CUX2: variants seen among roughly 807,000 people sequenced by gnomAD.
CUX2 encodes the protein homeobox protein cut-like 2.
Under a neutral mutation model 144.8 loss-of-function variants are expected in CUX2, and 40 were observed. That is an observed-to-expected ratio of 0.28 (90% CI 0.21 to 0.36). The LOEUF (loss-of-function observed/expected upper bound fraction) is 0.36, where lower values mean the gene tolerates loss of function less well. CUX2 is among the 10% of genes least tolerant of loss of function. The pLI, the probability that CUX2 is intolerant of heterozygous loss-of-function variation, is 1.00. For synonymous variants in CUX2, 827 were observed against 875.6 expected, an observed-to-expected ratio of 0.94 and a Z score of 0.98; for missense variants, 1,615 against 1,994.0, an observed-to-expected ratio of 0.81 and a Z score of 3.62.
intron 1 of CUX2, among the ~76,000 whole-genome samples, chr12:111,139,590 G>T (rs1417198149): frequency 6.6e-6 from 1 of 152,174 alleles, no homozygotes; most frequent in African/African-American, 2.4e-5. Context: ...ATCTGATCCA[G>T]CATCATCTCA....
rs547775888 is a variant in CUX2, at chr12:111,188,743, C to T, written c.64-25457C>T. On this transcript the variant is annotated intron_variant, in intron 1 of 21. Coordinates refer to ENST00000261726, the MANE Select transcript of CUX2 (RefSeq NM_015267.4). ...CAGCCTCAGGAGCAATGGGAAGTCA[C>T]CCCTCTTGTCACGGCAGGTTTTAGG... is the stretch of plus-strand genomic sequence containing the variant. Among the ~76,000 whole-genome samples the T allele has an allele frequency of 1.4e-4, 21 of 152,236 alleles. No homozygotes were observed. The South Asian group carries it at 4.4e-3, about 32-fold the overall frequency.
intron 1 of CUX2, among the ~76,000 whole-genome samples, chr12:111,193,692 G>A (rs904788081): frequency 1.3e-5 from 2 of 152,196 alleles, no homozygotes; most frequent in Non-Finnish European, 2.9e-5. Flanking sequence ...TGGGGGCTGC[G>A]GGGGCTGCCG....
chr12:111,197,580 C>T (rs951186538), intron 1 of CUX2, among the ~76,000 whole-genome samples: 4 of 152,226 alleles, frequency 2.6e-5, no homozygotes, highest in Non-Finnish European at 4.4e-5. Flanking sequence ...AAACAACACC[C>T]TCCTTCAGAA....
intron 3 of CUX2, among the ~76,000 whole-genome samples, chr12:111,256,807 C>T (rs1402421745): frequency 6.6e-6 from 1 of 152,168 alleles, no homozygotes; most frequent in African/African-American, 2.4e-5. Flanking sequence ...TGCTCACATC[C>T]TAAAGGTGTG....
At chr12:111,325,764 G>T (rs1258336692) in intron 18 of CUX2, among the ~76,000 whole-genome samples, 1 of 7,766 alleles carries the variant, frequency 1.3e-4, no homozygotes. Flanking sequence ...TAGTGTTGTG[G>T]TGGGGGAGGG....
intron 1 of CUX2, among the ~76,000 whole-genome samples, chr12:111,172,067 G>T (rs1180368511): frequency 6.6e-6 from 1 of 151,966 alleles, no homozygotes; most frequent in Non-Finnish European, 1.5e-5. Context: ...GTGCACACGT[G>T]TGTGCATGCA....
At chr12:111,273,191 C>T (rs1884710250) in intron 4 of CUX2, among the ~76,000 whole-genome samples, 1 of 152,178 alleles carries the variant, frequency 6.6e-6, no homozygotes, top group South Asian at 2.1e-4. Context: ...GAGAGGGAGG[C>T]CTTTGGACCT....
intron 10 of CUX2, among the ~76,000 whole-genome samples, chr12:111,305,227 A>C (rs1263330539): frequency 1.3e-5 from 2 of 152,148 alleles, no homozygotes; most frequent in Admixed American, 6.6e-5. Flanking sequence ...TTATTTCCAG[A>C]TCTCTACATA....
chr12:111,039,324 A>G lies in CUX2; in HGVS notation c.63+5084A>G, dbSNP rs990324312. The stretch of plus-strand genomic sequence containing the variant: ...GGTGCTCATTATTTATGATGGTGTC[A>G]TATACTGGAGGGTGTCAGGGATGGT... On this transcript the variant is annotated intron_variant, in intron 1 of 21. Transcript: ENST00000261726. This position sits in a 1 kb window ranked among gnomAD's most constrained non-coding sequence, Gnocchi z 4.2. Among the ~76,000 whole-genome samples the G allele has an allele frequency of 7.9e-5, 12 of 152,048 alleles. No individual in the cohort carries two copies. Among genetic ancestry groups the G allele is most frequent in the African/African-American group, 2.7e-4 (11 of 41,376 alleles).
At chr12:111,346,343 G>A (rs1888804532) in intron 21 of CUX2, among the ~76,000 whole-genome samples, 1 of 151,226 alleles carries the variant, frequency 6.6e-6, no homozygotes, top group Middle Eastern at 3.2e-3. Flanking sequence ...TGGCATGATG[G>A]CGCCCACCAG....
Position 111,347,782 on chromosome 12 carries a change from T to C in CUX2, c.3918T>C (p.Asp1306=), listed in dbSNP as rs3803167. Residue 1306 remains aspartate (D), a synonymous_variant, in exon 22 of 22, where the codon GAT becomes GAC. Transcript: ENST00000261726. The stretch of plus-strand genomic sequence containing the variant: ...TCAAGCAGGAACAGATGGAGGAGGA[T>C]GCTGAGGAAGAGGCAGGCAGCCAGC... The part of the protein sequence containing the change: ...VRIKQEQMEE[D]AEEEAGSQPQ... 0.28 allele frequency: 457,371 copies of C among 1,613,356 alleles called. 81,393 individuals carry two copies. The highest frequency in any genetic ancestry group is 0.83 in the East Asian group (37,084 of 44,814).
chr12:111,318,538 A>G (rs1313112501), intron 16 of CUX2, among the ~76,000 whole-genome samples: 4 of 150,502 alleles, frequency 2.7e-5, no homozygotes, highest in Admixed American at 2.7e-4. Context: ...CTATGATCGC[A>G]CCTGAGATCG....
chr12:111,118,620 A>G (rs1361270463), intron 1 of CUX2, among the ~76,000 whole-genome samples: 1 of 152,048 alleles, frequency 6.6e-6, no homozygotes, highest in Non-Finnish European at 1.5e-5. Flanking sequence ...GGCCCTCCCA[A>G]TGGATCCAAC....
chr12:111,161,005 T>C (rs1435133538), intron 1 of CUX2, among the ~76,000 whole-genome samples: 1 of 152,118 alleles, frequency 6.6e-6, no homozygotes, highest in Non-Finnish European at 1.5e-5. Context: ...CCAGAGGGGT[T>C]ATCAGGTCCG....
At chr12:111,146,341 C>A (rs1876670614) in intron 1 of CUX2, among the ~76,000 whole-genome samples, 1 of 152,226 alleles carries the variant, frequency 6.6e-6, no homozygotes, top group African/African-American at 2.4e-5. Flanking sequence ...ATTCCACCTA[C>A]TTATCCCTCT....
intron 1 of CUX2, among the ~76,000 whole-genome samples, chr12:111,155,763 C>T (rs549804012): frequency 4.1e-4 from 62 of 152,248 alleles, no homozygotes; most frequent in Admixed American, 3.9e-4. Flanking sequence ...AAGTGTTTTG[C>T]AACCTCTCAG....
intron 3 of CUX2, among the ~76,000 whole-genome samples, chr12:111,238,207 A>T (rs1262668393): frequency 2.0e-5 from 3 of 152,138 alleles, no homozygotes; most frequent in Non-Finnish European, 4.4e-5. Context: ...GTCTGTAATT[A>T]TATGTTTGTT....
At chr12:111,058,219 T>C (rs1456880705) in intron 1 of CUX2, among the ~76,000 whole-genome samples, 3 of 152,230 alleles carry the variant, frequency 2.0e-5, no homozygotes, top group Non-Finnish European at 4.4e-5. Context: ...CCCCAGACAG[T>C]GTGGCAAGTG....
chr12:111,100,250 T>G, intron 1 of CUX2: 1 of 353,150 alleles, frequency 2.8e-6, no homozygotes, highest in Non-Finnish European at 5.6e-6. Context: ...CCTGTGTGTG[T>G]CCTTGTGCCC....
Sources: allele counts gnomAD v4.1 joint callset (sites outside exome capture counted in the v4.1 genomes callset), GRCh38; gene constraint gnomAD v4.1.1; non-coding constraint Gnocchi (gnomAD v3.1); transcripts MANE v1.5; gene names NCBI Gene and HGNC (gene_info 2026-07-23, HGNC 2026-07-21).